The following UNC79 variants were observed in gnomAD, a reference collection of about 807,000 sequenced individuals.
UNC79 encodes protein unc-79 homolog.
A neutral mutation model predicts 283.1 loss-of-function variants in UNC79; 37 were observed. The observed-to-expected ratio is 0.13, with a 90% CI of 0.10 to 0.17. The LOEUF (loss-of-function observed/expected upper bound fraction) is 0.17. Ranked by LOEUF, UNC79 falls within the 10% of genes least tolerant of loss-of-function variation. The pLI, the probability that UNC79 is intolerant of heterozygous loss-of-function variation, is 1.00. For synonymous variants in UNC79, 1,107 were observed against 1,200.2 expected, an observed-to-expected ratio of 0.92 and a Z score of 1.61; for missense variants, 2,272 against 3,211.1, an observed-to-expected ratio of 0.71 and a Z score of 7.07.
intron 1 of UNC79, chr14:93,347,348 G>A: frequency 2.0e-6 from 3 of 1,500,144 alleles, no homozygotes; most frequent in Non-Finnish European, 1.8e-6. Flanking sequence ...CCCGCTCCCC[G>A]CTTCGCCCAC....
rs398026224 is a variant in UNC79 at position 93,467,628 on chromosome 14, CTTTTTTTTTTTTTTTTTTTT to C, written c.23-32_23-13del. 1.0e-5 allele frequency: 8 copies of C among 762,700 alleles called. No homozygotes were observed. The South Asian group carries it at 2.1e-4, about 20-fold the overall frequency. The allele number at this position is 762,700 out of a possible 1,614,324, so 47.2% of individuals were successfully genotyped here. A position where few individuals can be genotyped will look rare whatever the true frequency, so the allele number is the denominator to read the frequency against. On this transcript the variant is annotated intron_variant, in intron 1 of 48. Transcript: ENST00000555664. ...ATTCTTCTCTTTCTTTTTCTTCTTC[CTTTTTTTTTTTTTTTTTTTT>C]TTTTTTTTTTGCTTTTATCTAGTTG...
chr14:93,636,418 C>T (rs1379601938), intron 31 of UNC79, among the ~76,000 whole-genome samples: 2 of 152,116 alleles, frequency 1.3e-5, no homozygotes, highest in Non-Finnish European at 2.9e-5. Context: ...TCCTCACATC[C>T]GAGCCTAGGG....
At chr14:93,374,364 A>G (rs535146460) in intron 1 of UNC79, among the ~76,000 whole-genome samples, 1 of 152,194 alleles carries the variant, frequency 6.6e-6, no homozygotes, top group African/African-American at 2.4e-5. Flanking sequence ...TGTGTTCAGT[A>G]GGTAGAACAT....
intron 5 of UNC79, among the ~76,000 whole-genome samples, chr14:93,488,338 G>C (rs1320382034): frequency 7.2e-5 from 11 of 152,162 alleles, no homozygotes; most frequent in African/African-American, 2.7e-4. Context: ...CATTACTAGT[G>C]ATGTTGGACA....
At chr14:93,645,925 T>C (rs974192356) in intron 34 of UNC79, among the ~76,000 whole-genome samples, 2 of 152,124 alleles carry the variant, frequency 1.3e-5, no homozygotes, top group Non-Finnish European at 2.9e-5. Flanking sequence ...GTAGTCCTAA[T>C]CAAGTAAATA....
intron 1 of UNC79, among the ~76,000 whole-genome samples, chr14:93,352,658 G>A (rs2054001078): frequency 6.6e-6 from 1 of 152,102 alleles, no homozygotes; most frequent in Non-Finnish European, 1.5e-5. Context: ...GAACTCCTAG[G>A]GGAAATTCAG....
At chr14:93,371,578 C>A (rs111754638) in intron 1 of UNC79, among the ~76,000 whole-genome samples, 3 of 152,012 alleles carry the variant, frequency 2.0e-5, no homozygotes, top group Non-Finnish European at 4.4e-5. Flanking sequence ...AGGTGGCTCA[C>A]GCCTGTAATC....
At chr14:93,603,516 G>A in intron 26 of UNC79, 98 bp downstream of exon 26, 7 of 1,380,088 alleles carry the variant, frequency 5.1e-6, no homozygotes, top group Non-Finnish European at 6.8e-6. Flanking sequence ...AGCATGTTTA[G>A]CAAACTGAGT....
At chr14:93,426,487 G>A (rs1370395610), upstream of UNC79, among the ~76,000 whole-genome samples, 1 of 150,998 alleles carries the variant, frequency 6.6e-6, no homozygotes, top group East Asian at 1.9e-4. Context: ...TCTTCTGTGA[G>A]TATAATTATA....
At chr14:93,467,839 T>G in intron 2 of UNC79, 48 bp downstream of exon 2, 2 of 1,457,382 alleles carry the variant, frequency 1.4e-6, no homozygotes, top group Non-Finnish European at 1.8e-6. Context: ...TAGGTAGTAT[T>G]GCTGAATTTA....
intron 19 of UNC79, among the ~76,000 whole-genome samples, chr14:93,581,484 CTTTTTTTTTTTTTTT>C (rs569060513): frequency 2.0e-5 from 2 of 100,648 alleles, no homozygotes; most frequent in African/African-American, 9.1e-5. Context: ...GTATTTGCAT[CTTTTTTTTTTTTTTT>C]TTTTTTTTTT....
At chr14:93,411,898 G>A (rs1418749751) in intron 1 of UNC79, among the ~76,000 whole-genome samples, 1 of 152,208 alleles carries the variant, frequency 6.6e-6, no homozygotes, top group East Asian at 1.9e-4. Context: ...ACATCTGTAA[G>A]TACCAAGACC....
At chr14:93,475,549 T>C (rs1040505175) in intron 3 of UNC79, among the ~76,000 whole-genome samples, 14 of 152,190 alleles carry the variant, frequency 9.2e-5, no homozygotes, top group Admixed American at 5.2e-4. Flanking sequence ...TGTATAATTC[T>C]GTAGCCGTCT....
intron 11 of UNC79, among the ~76,000 whole-genome samples, chr14:93,536,238 A>G (rs991699049): frequency 6.6e-6 from 1 of 152,240 alleles, no homozygotes; most frequent in African/African-American, 2.4e-5. Flanking sequence ...TATGAACATA[A>G]TTAAATGTTG....
At chr14:93,650,305 AT>A (rs1386278131) in intron 35 of UNC79, among the ~76,000 whole-genome samples, 1 of 152,038 alleles carries the variant, frequency 6.6e-6, no homozygotes, top group Admixed American at 6.5e-5. Flanking sequence ...AAGTGTTTTT[AT>A]TTCTCTTGGG....
intron 47 of UNC79, among the ~76,000 whole-genome samples, chr14:93,701,054 T>C (rs766267273): frequency 6.6e-5 from 10 of 152,170 alleles, no homozygotes; most frequent in African/African-American, 1.2e-4. Flanking sequence ...TTGAAAACTG[T>C]AGTCACTTTG....
At chr14:93,561,501 C>T (rs111861029) in intron 14 of UNC79, among the ~76,000 whole-genome samples, 2 of 151,710 alleles carry the variant, frequency 1.3e-5, no homozygotes, top group Non-Finnish European at 2.9e-5. Flanking sequence ...GTATATAAGA[C>T]GGGGGCAGCT....
At chr14:93,609,944 A>C (rs2066178225) in intron 26 of UNC79, among the ~76,000 whole-genome samples, 3 of 152,216 alleles carry the variant, frequency 2.0e-5, no homozygotes, top group African/African-American at 7.2e-5. Flanking sequence ...TTCCATAAAC[A>C]TCCTTTTTTC....
chr14:93,402,882 T>G (rs1430777946), intron 1 of UNC79, among the ~76,000 whole-genome samples: 1 of 152,212 alleles, frequency 6.6e-6, no homozygotes, highest in African/African-American at 2.4e-5. Flanking sequence ...GACATACCCA[T>G]GACACAGCCT....
Sources: gnomAD v4.1 joint callset for allele counts (sites outside exome capture counted in the v4.1 genomes callset) on GRCh38, gnomAD v4.1.1 for gene constraint, MANE v1.5 for transcripts, NCBI Gene and HGNC (gene_info 2026-07-23, HGNC 2026-07-21) for gene names.